Variants in MIER1 observed in about 807,000 individuals in gnomAD.
The protein encoded by MIER1 is mesoderm induction early response protein 1.
In MIER1, 40 loss-of-function variants were observed where a neutral mutation model predicts 75.7. That is an observed-to-expected ratio of 0.53 (90% CI 0.41 to 0.69). The LOEUF is 0.69. Ranked by LOEUF, MIER1 falls within the 30% of genes least tolerant of loss-of-function variation. The pLI is 0.00. For synonymous variants in MIER1, 213 were observed against 223.4 expected, an observed-to-expected ratio of 0.95 and a Z score of 0.42; for missense variants, 574 against 680.2, an observed-to-expected ratio of 0.84 and a Z score of 1.74.
chr1:66,951,498 T>C (rs1465061000), intron 4 of MIER1, among the ~76,000 whole-genome samples: 1 of 152,172 alleles, frequency 6.6e-6, no homozygotes, highest in Non-Finnish European at 1.5e-5. Context: ...GCAGACATGA[T>C]TGCCCTTCCT....
chr1:66,931,163 A>G (rs754570677), intron 2 of MIER1, among the ~76,000 whole-genome samples: 1 of 148,894 alleles, frequency 6.7e-6, no homozygotes, highest in African/African-American at 2.5e-5. Flanking sequence ...TGCTCGTTTT[A>G]TAGTAAACAA....
chr1:66,970,750 T>A (rs555788570), intron 8 of MIER1, 58 bp from the exon 9 acceptor site: 1 of 1,325,634 alleles, frequency 7.5e-7, no homozygotes, highest in East Asian at 2.5e-5. Flanking sequence ...TAATATGTTT[T>A]AACACAAACT....
intron 2 of MIER1, chr1:66,929,234 T>G (rs1487987199): frequency 2.5e-6 from 1 of 394,564 alleles, no homozygotes; most frequent in Non-Finnish European, 4.7e-6. Context: ...AAGGAATGAA[T>G]AATTCTCGTA....
chr1:66,938,527 A>G (rs1655452615), intron 2 of MIER1, among the ~76,000 whole-genome samples: 1 of 152,224 alleles, frequency 6.6e-6, no homozygotes, highest in African/African-American at 2.4e-5. Context: ...ATATTGATTT[A>G]CTATGTAATA....
At chr1:66,975,533 A>G (rs550922856) in intron 11 of MIER1, among the ~76,000 whole-genome samples, 92 of 142,348 alleles carry the variant, frequency 6.5e-4, no homozygotes, top group African/African-American at 2.1e-3. Context: ...CTCAAAAAAA[A>G]AAGAAAAAGA....
chr1:66,952,196 AC>A (rs1659130028), intron 4 of MIER1, among the ~76,000 whole-genome samples: 1 of 152,150 alleles, frequency 6.6e-6, no homozygotes, highest in African/African-American at 2.4e-5. Context: ...TTTAACACTT[AC>A]GTGAATGGGA....
rs1262728419 is a variant in MIER1 at position 66,984,480 on chromosome 1, C to T, written c.1370-92C>T. 3.2e-6 allele frequency: 3 copies of T among 940,464 alleles called. No individual in the cohort carries two copies. The East Asian group carries it at 7.3e-5, about 23-fold the overall frequency. The allele number at this position is 940,464 out of a possible 1,614,324, so 58.3% of individuals were successfully genotyped here. A position where few individuals can be genotyped will look rare whatever the true frequency, so the allele number is the denominator to read the frequency against. ...AGACTATGTATTTGATACCTTGCTT[C>T]CTTGATAACAATAACTACAAGCTGT... On this transcript the variant is annotated intron_variant, in intron 13 of 13. Coordinates refer to ENST00000401041, the MANE Select transcript of MIER1 (RefSeq NM_001077700.3).
chr1:66,966,039 CA>C (rs1218607987), intron 8 of MIER1, among the ~76,000 whole-genome samples: 5 of 151,802 alleles, frequency 3.3e-5, no homozygotes, highest in African/African-American at 4.8e-5. Context: ...ATAAGTACCA[CA>C]TTTTTTTTTT....
rs577429079 is a variant in MIER1 at position 66,954,988 on chromosome 1, C to T, written c.340-3071C>T. Among the ~76,000 whole-genome samples, 14 of 152,206 alleles carry T rather than the reference C, an allele frequency of 9.2e-5. No individual in the cohort carries two copies. In the South Asian group the frequency reaches 1.0e-3, roughly 11 times the overall value. ...CCTCCCAAAGTGCTGGGATTACAGG[C>T]GTGAGCCACTGCGCTTGGCCTGAGA... On this transcript the variant is annotated intron_variant, in intron 4 of 13. Coordinates refer to ENST00000401041, the MANE Select transcript of MIER1 (RefSeq NM_001077700.3).
At chr1:66,927,766 G>A in intron 2 of MIER1, among the ~76,000 whole-genome samples, 1 of 152,116 alleles carries the variant, frequency 6.6e-6, no homozygotes, top group South Asian at 2.1e-4. Context: ...TCACTGGAGG[G>A]GTTTAAACAT....
At chr1:66,962,818 A>G (rs574924326) in intron 7 of MIER1, among the ~76,000 whole-genome samples, 20 of 152,302 alleles carry the variant, frequency 1.3e-4, no homozygotes, top group Non-Finnish European at 2.4e-4. Context: ...TAATGGAATT[A>G]TCAGAATTCA....
chr1:66,946,997 C>T, intron 4 of MIER1: 1 of 985,126 alleles, frequency 1.0e-6, no homozygotes, highest in Non-Finnish European at 1.2e-6. Flanking sequence ...TTCTTTTTTT[C>T]TCTCCTGTCT....
intron 2 of MIER1, among the ~76,000 whole-genome samples, chr1:66,935,370 T>G (rs938100227): frequency 6.6e-6 from 1 of 152,208 alleles, no homozygotes; most frequent in Non-Finnish European, 1.5e-5. Flanking sequence ...TTAATTTGTT[T>G]TAGCCCATTC....
chr1:66,946,525 A>G, intron 4 of MIER1: 1 of 1,208,110 alleles, frequency 8.3e-7, no homozygotes, highest in South Asian at 2.8e-5. Flanking sequence ...GGTAAAACAT[A>G]GACTGTTAAA....
intron 7 of MIER1, 23 bp from the exon 8 acceptor site, chr1:66,963,065 G>C (rs200744513): frequency 6.5e-7 from 1 of 1,529,272 alleles, no homozygotes; most frequent in East Asian, 2.3e-5. Context: ...TCTTACTAAT[G>C]TTTTATGTTA....
At chr1:66,975,463 G>C (rs1453672695) in intron 11 of MIER1, among the ~76,000 whole-genome samples, 1 of 152,012 alleles carries the variant, frequency 6.6e-6, no homozygotes, top group Admixed American at 6.6e-5. Context: ...GGAGGGCAAG[G>C]CTGCAGTTAG....
intron 4 of MIER1, among the ~76,000 whole-genome samples, chr1:66,951,986 A>T (rs929856817): frequency 1.3e-5 from 2 of 152,224 alleles, no homozygotes; most frequent in African/African-American, 4.8e-5. Context: ...AGGTTACTTA[A>T]CATTGTTAAA....
intron 12 of MIER1, among the ~76,000 whole-genome samples, chr1:66,977,533 T>G (rs945784596): frequency 1.3e-5 from 2 of 152,210 alleles, no homozygotes; most frequent in African/African-American, 4.8e-5. Flanking sequence ...TGTAGTCCCA[T>G]TGACACAGAT....
intron 2 of MIER1, among the ~76,000 whole-genome samples, chr1:66,933,482 C>G (rs1047718125): frequency 1.3e-5 from 2 of 152,100 alleles, no homozygotes; most frequent in African/African-American, 2.4e-5. Context: ...GGTATATAAT[C>G]TGTTTATTCA....
Sources: allele counts gnomAD v4.1 joint callset (sites outside exome capture counted in the v4.1 genomes callset), GRCh38; gene constraint gnomAD v4.1.1; transcripts MANE v1.5; gene names NCBI Gene and HGNC (gene_info 2026-07-23, HGNC 2026-07-21).